Variants in RYR3 observed in about 807,000 individuals in gnomAD.
The protein encoded by RYR3 is ryanodine receptor 3, also known as brain ryanodine receptor-calcium release channel.
A neutral mutation model predicts 584.3 loss-of-function variants in RYR3; 207 were observed. The ratio of observed to expected loss-of-function variants is 0.35; its 90% CI spans 0.32 to 0.40. The LOEUF (loss-of-function observed/expected upper bound fraction) is 0.40, where lower values mean the gene tolerates loss of function less well. Among genes scored for constraint, RYR3 ranks in the 10% least tolerant of loss-of-function variants. The probability of loss-of-function intolerance (pLI) is 1.00; values close to 1 mark genes in which losing one functional copy is unlikely to be tolerated. For missense variants in RYR3, 5,616 were observed against 6,089.2 expected (o/e 0.92, Z 2.59); for synonymous variants, 2,416 against 2,248.5 (o/e 1.07, Z -2.11).
At chr15:33,824,844 A>G (rs989625591) in intron 81 of RYR3, among the ~76,000 whole-genome samples, 12 of 152,166 alleles carry the variant, frequency 7.9e-5, no homozygotes, top group African/African-American at 2.9e-4. Context: ...AATAAGTTAG[A>G]CTCCGTTAGT....
intron 43 of RYR3, among the ~76,000 whole-genome samples, chr15:33,719,099 C>G (rs2067710463): frequency 6.6e-6 from 1 of 152,216 alleles, no homozygotes; most frequent in Admixed American, 6.5e-5. Flanking sequence ...CTTGGGAAGC[C>G]TTTGGAAATT....
chr15:33,812,802 G>C lies in RYR3; in HGVS notation c.10258-61G>C, dbSNP rs183224063. The stretch of plus-strand genomic sequence containing the variant: ...TACAGAACCATGGTAGGACCAAAAG[G>C]CTTCTTCAGTATAAGAAGTACAGGA... On this transcript the variant is annotated intron_variant, in intron 72 of 103. Transcript: ENST00000634891. 2.4e-4 allele frequency: 369 copies of C among 1,550,760 alleles called. 1 individual carries two copies. The highest frequency in any genetic ancestry group is 5.9e-4 in the Admixed American group (33 of 56,088).
intron 1 of RYR3, among the ~76,000 whole-genome samples, chr15:33,435,299 ACT>A (rs1291224178): frequency 2.0e-4 from 30 of 151,630 alleles, no homozygotes; most frequent in African/African-American, 6.8e-4. Context: ...GATGTGTCAT[ACT>A]CTCTGTATTT....
intron 81 of RYR3, among the ~76,000 whole-genome samples, chr15:33,823,723 T>G (rs35885784): frequency 6.6e-6 from 1 of 152,160 alleles, no homozygotes; most frequent in Non-Finnish European, 1.5e-5. Flanking sequence ...TAGGTCATGA[T>G]ACTTGCTGAA....
At chr15:33,382,047 T>G (rs560941008) in intron 1 of RYR3, among the ~76,000 whole-genome samples, 1 of 152,214 alleles carries the variant, frequency 6.6e-6, no homozygotes, top group Admixed American at 6.5e-5. Context: ...ATTTTAGTAC[T>G]TTAAAAAGAT....
At chr15:33,453,823 A>G (rs1300187925) in intron 1 of RYR3, among the ~76,000 whole-genome samples, 2 of 152,204 alleles carry the variant, frequency 1.3e-5, no homozygotes, top group Non-Finnish European at 2.9e-5. Flanking sequence ...ATTTACAATC[A>G]AGGAACCCAG....
intron 12 of RYR3, among the ~76,000 whole-genome samples, chr15:33,575,586 A>G (rs1008996511): frequency 6.6e-6 from 1 of 152,204 alleles, no homozygotes; most frequent in Non-Finnish European, 1.5e-5. Flanking sequence ...GAGACAATGT[A>G]CCAGAATCTC....
intron 9 of RYR3, among the ~76,000 whole-genome samples, chr15:33,548,944 A>G (rs1044098953): frequency 6.6e-6 from 1 of 152,112 alleles, no homozygotes; most frequent in African/African-American, 2.4e-5. Context: ...CTCCCCCCGA[A>G]AATATGTTCA....
At chr15:33,635,935 C>T (rs1268209005) in intron 26 of RYR3, 116 bp downstream of exon 26, 1 of 835,188 alleles carries the variant, frequency 1.2e-6, no homozygotes, top group Non-Finnish European at 1.9e-6. Flanking sequence ...ACCACCACCA[C>T]TGGCTAATGT....
chr15:33,650,250 G>A (rs2062387273), intron 31 of RYR3, among the ~76,000 whole-genome samples: 1 of 152,140 alleles, frequency 6.6e-6, no homozygotes, highest in Admixed American at 6.5e-5. Context: ...GGTGGCGTGT[G>A]CCTGTAATCC....
At chr15:33,377,592 G>T (rs992154045) in intron 1 of RYR3, among the ~76,000 whole-genome samples, 1 of 152,188 alleles carries the variant, frequency 6.6e-6, no homozygotes, top group African/African-American at 2.4e-5. Flanking sequence ...TAGCAGAAGT[G>T]TTAAACGCAT....
At chr15:33,796,274 AC>A (rs1431432326) in intron 67 of RYR3, among the ~76,000 whole-genome samples, 4 of 152,148 alleles carry the variant, frequency 2.6e-5, no homozygotes, top group Admixed American at 2.6e-4. Context: ...AGCTGGGATT[AC>A]AGGCATGCGC....
intron 8 of RYR3, among the ~76,000 whole-genome samples, chr15:33,545,820 A>G (rs1013260927): frequency 2.0e-5 from 3 of 152,108 alleles, no homozygotes; most frequent in Non-Finnish European, 2.9e-5. Flanking sequence ...GTTCCATTGC[A>G]ATGGTGCTGA....
chr15:33,710,456 T>A (rs8028058), intron 43 of RYR3, among the ~76,000 whole-genome samples: 12,082 of 151,302 alleles, frequency 0.08, 1,042 homozygotes, highest in African/African-American at 0.22. Context: ...CAATCCTCCC[T>A]TCTCAGCCTT....
Position 33,837,759 on chromosome 15 carries a change from A to G in RYR3, c.11779A>G (p.Thr3927Ala), listed in dbSNP as rs754255511. 6.2e-7 allele frequency: 1 copy of G among 1,613,918 alleles called. No individual in the cohort carries two copies. Among genetic ancestry groups the G allele is most frequent in the Non-Finnish European group, 8.5e-7 (1 of 1,179,848 alleles). The stretch of plus-strand genomic sequence containing the variant: ...ACTTAAAGACTTAACCAGCTCAGAC[A>G]CCTTCAAAGAATATGACCCAGATGG... ...LKLKDLTSSD[T>A]FKEYDPDGKG... is the part of the protein sequence containing the mutation. Residue 3927 changes from threonine to alanine, a missense_variant, in exon 89 of 104, where the codon ACC becomes GCC. By Grantham distance (58) the Thr-to-Ala change is moderately conservative. This residue lies in a region of RYR3 where 258 missense variants were observed against 297.3 expected (regional missense o/e 0.87). Coordinates refer to ENST00000634891, the MANE Select transcript of RYR3 (RefSeq NM_001036.6).
At chr15:33,863,486 G>A (rs185938991) in intron 102 of RYR3, among the ~76,000 whole-genome samples, 2 of 152,214 alleles carry the variant, frequency 1.3e-5, no homozygotes, top group East Asian at 1.9e-4. Flanking sequence ...TTTTCCGGAA[G>A]GGCAAGAGCC....
At chr15:33,751,989 C>T (rs1447530893) in intron 57 of RYR3, among the ~76,000 whole-genome samples, 5 of 152,156 alleles carry the variant, frequency 3.3e-5, no homozygotes, top group Admixed American at 3.3e-4. Context: ...AATAGGGAAT[C>T]CTTTCCCCAT....
chr15:33,574,496 C>T (rs139127006), intron 12 of RYR3, among the ~76,000 whole-genome samples: 27 of 152,258 alleles, frequency 1.8e-4, no homozygotes, highest in African/African-American at 6.5e-4. Context: ...CAAACACTAA[C>T]TGAGAACTTA....
chr15:33,583,624 T>C (rs184903335), intron 14 of RYR3, among the ~76,000 whole-genome samples: 2 of 152,320 alleles, frequency 1.3e-5, no homozygotes, highest in Non-Finnish European at 2.9e-5. Context: ...TTTATTTTTC[T>C]AAGTATAGAA....
Sources: allele counts gnomAD v4.1 joint callset (sites outside exome capture counted in the v4.1 genomes callset), GRCh38; gene constraint gnomAD v4.1.1; regional missense constraint gnomAD v4.1.1; transcripts MANE v1.5; gene names NCBI Gene and HGNC (gene_info 2026-07-23, HGNC 2026-07-21).